Variants in VTI1A observed in about 807,000 individuals in gnomAD.
VTI1A encodes vesicle transport through interaction with t-SNAREs homolog 1A.
In VTI1A, 22 loss-of-function variants were observed where a neutral mutation model predicts 34.9. The observed-to-expected ratio is 0.63, with a 90% CI of 0.45 to 0.90. The LOEUF (loss-of-function observed/expected upper bound fraction) is 0.90. Among genes scored for constraint, VTI1A ranks in the 40% least tolerant of loss-of-function variants. The pLI is 0.00. For missense variants in VTI1A, 268 were observed against 275.6 expected (o/e 0.97, Z 0.20); for synonymous variants, 87 against 97.3 (o/e 0.89, Z 0.62).
chr10:112,559,255 C>T (rs769470571), intron 5 of VTI1A, among the ~76,000 whole-genome samples: 3 of 152,102 alleles, frequency 2.0e-5, no homozygotes, highest in Non-Finnish European at 2.9e-5. Flanking sequence ...GCACTGATTC[C>T]GTTGTAAAGA....
chr10:112,806,283 T>G (rs985494026), intron 7 of VTI1A, among the ~76,000 whole-genome samples: 1 of 152,140 alleles, frequency 6.6e-6, no homozygotes, highest in African/African-American at 2.4e-5. Flanking sequence ...TTCTTCCCTT[T>G]TTTTTTATTA....
intron 7 of VTI1A, among the ~76,000 whole-genome samples, chr10:112,731,984 A>G (rs182600557): frequency 6.6e-5 from 10 of 152,306 alleles, no homozygotes; most frequent in Admixed American, 5.2e-4. Flanking sequence ...ATTAGAAATT[A>G]TTTGACAGCA....
intron 5 of VTI1A, among the ~76,000 whole-genome samples, chr10:112,584,045 T>C (rs1844056347): frequency 6.6e-6 from 1 of 152,208 alleles, no homozygotes; most frequent in Non-Finnish European, 1.5e-5. Flanking sequence ...TCAGATCTAA[T>C]TGGCATAGGG....
At chr10:112,688,765 C>T (rs925559553) in intron 7 of VTI1A, among the ~76,000 whole-genome samples, 6 of 152,054 alleles carry the variant, frequency 3.9e-5, no homozygotes, top group African/African-American at 1.4e-4. Flanking sequence ...TCTCAAACTC[C>T]TGAGCTCAGG....
At chr10:112,480,966 C>A (rs1022408560) in intron 3 of VTI1A, among the ~76,000 whole-genome samples, 7 of 152,118 alleles carry the variant, frequency 4.6e-5, no homozygotes, top group African/African-American at 1.7e-4. Context: ...AGAACTGAGC[C>A]AGAGAGCTTG....
intron 1 of VTI1A, among the ~76,000 whole-genome samples, chr10:112,451,398 C>T (rs925782262): frequency 5.9e-5 from 9 of 152,194 alleles, no homozygotes; most frequent in African/African-American, 2.2e-4. Context: ...AGCTAGGACC[C>T]CGCTCTTCAG....
intron 1 of VTI1A, among the ~76,000 whole-genome samples, chr10:112,457,896 G>A (rs1053085718): frequency 6.6e-6 from 1 of 152,256 alleles, no homozygotes; most frequent in East Asian, 1.9e-4. Context: ...GAGGAGCAAA[G>A]TGTAAGAAAC....
intron 1 of VTI1A, among the ~76,000 whole-genome samples, chr10:112,454,662 T>G (rs1368357529): frequency 6.6e-6 from 1 of 150,864 alleles, no homozygotes; most frequent in African/African-American, 2.4e-5. Context: ...TCATACATAC[T>G]ATGCTAAGAC....
intron 7 of VTI1A, among the ~76,000 whole-genome samples, chr10:112,700,137 AAAAC>A: frequency 5.1e-5 from 7 of 136,546 alleles, no homozygotes; most frequent in African/African-American, 1.7e-4. Flanking sequence ...AAAAAAAAAC[AAAAC>A]AAAAAAAAAA....
chr10:112,472,099 TTTC>T (rs1447880509), intron 3 of VTI1A, among the ~76,000 whole-genome samples: 1 of 152,222 alleles, frequency 6.6e-6, no homozygotes, highest in Admixed American at 6.5e-5. Context: ...ATATTTCTTT[TTTC>T]TTGTAACAAA....
intron 7 of VTI1A, among the ~76,000 whole-genome samples, 153 bp from the exon 8 acceptor site, chr10:112,815,137 G>GTGCA (rs1554965928): frequency 2.6e-5 from 2 of 77,476 alleles, no homozygotes; most frequent in African/African-American, 4.3e-5. Context: ...TCTTTCGCGC[G>GTGCA]CGCACACACA....
intron 3 of VTI1A, among the ~76,000 whole-genome samples, chr10:112,466,170 A>C (rs1847887541): frequency 6.6e-6 from 1 of 152,208 alleles, no homozygotes; most frequent in East Asian, 1.9e-4. Context: ...AAGAATGTTT[A>C]AGGATCTTTC....
intron 3 of VTI1A, among the ~76,000 whole-genome samples, chr10:112,511,494 G>A (rs1022513436): frequency 1.3e-5 from 2 of 151,936 alleles, no homozygotes; most frequent in African/African-American, 2.4e-5. Context: ...TGCCCACCTC[G>A]GCCTCCCAAA....
intron 3 of VTI1A, among the ~76,000 whole-genome samples, chr10:112,477,106 A>G (rs10509963): frequency 0.57 from 86,081 of 152,092 alleles, 26,310 homozygotes; most frequent in Non-Finnish European, 0.69. Context: ...TCAAGTCCTC[A>G]TAAACCTAGC....
chr10:112,524,773 A>G (rs533787603), intron 3 of VTI1A, among the ~76,000 whole-genome samples: 1 of 152,288 alleles, frequency 6.6e-6, no homozygotes, highest in South Asian at 2.1e-4. Flanking sequence ...TCTCCATATG[A>G]TCCTCTTGCA....
Position 112,686,858 on chromosome 10 carries a change from A to G in VTI1A, c.560+17860A>G, listed in dbSNP as rs183568966. 1.8e-3 allele frequency among the ~76,000 whole-genome samples: 274 copies of G among 152,312 alleles called. 1 individual carries two copies. The highest frequency in any genetic ancestry group is 5.3e-3 in the African/African-American group (222 of 41,576). On this transcript the variant is annotated intron_variant, in intron 7 of 7. Transcript: ENST00000393077. ...TTCTAAGGCTTCTGAAAGGTACTAC[A>G]AACTATGTATATAGACAGGATTGAA...
At chr10:112,524,601 A>G (rs1429978164) in intron 3 of VTI1A, among the ~76,000 whole-genome samples, 2 of 152,176 alleles carry the variant, frequency 1.3e-5, no homozygotes, top group African/African-American at 4.8e-5. Flanking sequence ...CTGGTTTTTA[A>G]AAGCGGTGGA....
chr10:112,850,533 G>A, the VTI1A span, among the ~76,000 whole-genome samples: 1 of 152,184 alleles, frequency 6.6e-6, no homozygotes, highest in African/African-American at 2.4e-5. Context: ...TACTGTGGAG[G>A]TCACTCCTTC....
intron 5 of VTI1A, among the ~76,000 whole-genome samples, chr10:112,554,071 T>C (rs1851461942): frequency 6.6e-6 from 1 of 152,204 alleles, no homozygotes; most frequent in Non-Finnish European, 1.5e-5. Flanking sequence ...TCCATATTAA[T>C]AGATACATTA....
Sources: allele counts gnomAD v4.1 joint callset (sites outside exome capture counted in the v4.1 genomes callset), GRCh38; gene constraint gnomAD v4.1.1; transcripts MANE v1.5; gene names NCBI Gene and HGNC (gene_info 2026-07-23, HGNC 2026-07-21).